The following TOMM40L variants were observed in gnomAD, a reference collection of about 807,000 sequenced individuals.
The protein encoded by TOMM40L is translocase of outer mitochondrial membrane 40 like.
Under a neutral mutation model 38.3 loss-of-function variants are expected in TOMM40L, and 17 were observed. The observed-to-expected ratio is 0.44, with a 90% CI of 0.30 to 0.67. TOMM40L has a LOEUF of 0.67. TOMM40L is among the 30% of genes least tolerant of loss of function. The pLI is 0.08. For missense variants in TOMM40L, 294 were observed against 390.0 expected (o/e 0.75, Z 2.07); for synonymous variants, 151 against 150.2 (o/e 1.01, Z -0.04).
rs373697518 is a variant in TOMM40L, at chr1:161,229,054, C to T, written c.886C>T (p.Arg296Cys). The change falls in exon 10 of 10, where the codon CGC (arginine) becomes TGC (cysteine). Residue 296 changes from arginine to cysteine, a missense_variant. Arg to Cys is a radical substitution (Grantham distance 180, BLOSUM62 -3). Transcript: ENST00000367988. ...LALGAFLNHWRNRFHCGFSIT... is the reference protein window; with the variant it reads ...LALGAFLNHWCNRFHCGFSIT... ...CCTTGGAGCCTTCCTCAATCACTGGCGCAACAGATTCCATTGTGGCTTCAG... is the reference window on the plus strand; with the variant it reads ...CCTTGGAGCCTTCCTCAATCACTGGTGCAACAGATTCCATTGTGGCTTCAG... 17 of 1,614,002 alleles carry T rather than the reference C, an allele frequency of 1.1e-5. No individual in the cohort carries two copies. The highest frequency in any genetic ancestry group is 1.6e-4 in the Middle Eastern group (1 of 6,084).
In TOMM40L at chr1:161,228,324, AAGT is replaced by A. The variant is rs775915514; in HGVS notation, c.607+20_607+22del. The A allele has an allele frequency of 1.9e-4, 310 of 1,607,846 alleles. 1 individual carries two copies. The Middle Eastern group carries it at 2.3e-3, about 12-fold the overall frequency. On this transcript the variant is annotated intron_variant, in intron 7 of 9. Coordinates refer to ENST00000367988, the MANE Select transcript of TOMM40L (RefSeq NM_032174.6). The stretch of plus-strand genomic sequence containing the variant: ...AAGTACTCGGGTATGGGGCGAAGTG[AAGT>A]AGTGGTGGTGGTGGGGGGCAATTCT...
chr1:161,229,227 G>A lies in TOMM40L; in HGVS notation c.*132G>A. ...GACCCAGGAGCAGAGTGGTGGACAGGACCATGCCCTCCTCAGAACTGGAGC... is the reference window on the plus strand; with the variant it reads ...GACCCAGGAGCAGAGTGGTGGACAGAACCATGCCCTCCTCAGAACTGGAGC... On this transcript the variant is annotated 3_prime_UTR_variant, in exon 10 of 10. Transcript: ENST00000367988. The A allele has an allele frequency of 7.6e-7, 1 of 1,320,582 alleles. No homozygotes were observed. Among genetic ancestry groups the A allele is most frequent in the Non-Finnish European group, 1.0e-6 (1 of 960,748 alleles). The allele number at this position is 1,320,582 out of a possible 1,614,324, so 81.8% of individuals were successfully genotyped here. A position where few individuals can be genotyped will look rare whatever the true frequency, so the allele number is the denominator to read the frequency against.
chr1:161,226,248 G>A (rs185067029), intron 1 of TOMM40L, 107 bp from the exon 2 acceptor site: 245 of 492,512 alleles, frequency 5.0e-4, no homozygotes, highest in Non-Finnish European at 7.9e-4. Context: ...GAGAAAGGGA[G>A]AGAGGACAAG....
chr1:161,229,535 C>A lies in TOMM40L; in HGVS notation c.*440C>A, dbSNP rs1666631403. On this transcript the variant is annotated 3_prime_UTR_variant, in exon 10 of 10. Transcript: ENST00000367988. ...ATGTTTGGTCTCAGGAAGTGGGGCC[C>A]ACCCATTCCCAGAAGGAGCTTCTTT... 1 of 1,153,574 alleles carries A rather than the reference C, an allele frequency of 8.7e-7. No homozygotes were observed. Among genetic ancestry groups the A allele is most frequent in the Non-Finnish European group, 1.2e-6 (1 of 813,822 alleles). The allele number at this position is 1,153,574 out of a possible 1,614,324, so 71.5% of individuals were successfully genotyped here.
Position 161,228,498 on chromosome 1 carries a change from T to A in TOMM40L, c.678T>A (p.Asn226Lys), listed in dbSNP as rs1303893472. ...GAHASYYHRANEQVQVGVEFE... is the reference protein window; with the variant it reads ...GAHASYYHRAKEQVQVGVEFE... ...ATGCAAGTTACTACCACAGGGCAAA[T>A]GAACAGGTGAGACCTCTGATCTCAT... The change falls in exon 8 of 10, where the codon AAT becomes AAA. Residue 226 changes from asparagine (N) to lysine (K), a missense_variant. Coordinates refer to ENST00000367988, the MANE Select transcript of TOMM40L (RefSeq NM_032174.6). 3.1e-6 allele frequency: 5 copies of A among 1,614,098 alleles called. No homozygotes were observed. Among genetic ancestry groups the A allele is most frequent in the Non-Finnish European group, 3.4e-6 (4 of 1,179,992 alleles).
rs1387937409 is a variant in TOMM40L at position 161,228,000 on chromosome 1, G to A, written c.484+11G>A. The A allele has an allele frequency of 6.2e-6, 10 of 1,613,338 alleles. No individual in the cohort carries two copies. The highest frequency in any genetic ancestry group is 8.5e-6 in the Non-Finnish European group (10 of 1,179,364). On this transcript the variant is annotated intron_variant, in intron 6 of 9. Coordinates refer to ENST00000367988, the MANE Select transcript of TOMM40L (RefSeq NM_032174.6). ...TGATTGGGGAGTCGGGTGAGGAACT[G>A]GGACAGGGTTCTTTTTATCTTGGCG...
In TOMM40L at chr1:161,226,931, C is replaced by T; in HGVS notation, c.159C>T (p.Asn53=). The change falls in exon 3 of 10, where the codon AAC becomes AAT. Residue 53 remains asparagine (N), a synonymous_variant. Transcript: ENST00000367988. ...AQMEGVKLVV[N]KVLSSHFQVA... Reference sequence around the variant, plus strand: ...TGGAGGGAGTGAAGCTCGTTGTCAACAAGGTTCTGAGCAGCCATTTCCAGG... The same window carrying T: ...TGGAGGGAGTGAAGCTCGTTGTCAATAAGGTTCTGAGCAGCCATTTCCAGG... The T allele has an allele frequency of 6.2e-7, 1 of 1,614,172 alleles. No homozygotes were observed. Among genetic ancestry groups the T allele is most frequent in the Non-Finnish European group, 8.5e-7 (1 of 1,180,034 alleles).
rs772568803 is a variant in TOMM40L at position 161,226,152 on chromosome 1, C to T, written c.-136+16C>T. 1 of 248,036 alleles carries T rather than the reference C, an allele frequency of 4.0e-6. No individual in the cohort carries two copies. Among genetic ancestry groups the T allele is most frequent in the Non-Finnish European group, 7.9e-6 (1 of 126,500 alleles). 15.4% of individuals were successfully genotyped at this position (248,036 alleles called of 1,614,324 possible). ...GTCTGAGATGGTAAGGGATACTGCACCATTGCGGGCCTGGTCTTGGGGCCT... is the reference window on the plus strand; with the variant it reads ...GTCTGAGATGGTAAGGGATACTGCATCATTGCGGGCCTGGTCTTGGGGCCT... On this transcript the variant is annotated intron_variant, in intron 1 of 9. Transcript: ENST00000367988.
chr1:161,227,977 A>T lies in TOMM40L; in HGVS notation c.472A>T (p.Ile158Phe). Reference protein sequence around the residue: ...ATLTLGNPDLIGESVIMVAHF... With the variant: ...ATLTLGNPDLFGESVIMVAHF... ...TCTGACCCTAGGAAATCCTGACCTG[A>T]TTGGGGAGTCGGGTGAGGAACTGGG... Residue 158 changes from isoleucine (I) to phenylalanine (F), a missense_variant, in exon 6 of 10, where the codon ATT (isoleucine) becomes TTT (phenylalanine). By Grantham distance (21) the Ile-to-Phe change is conservative (BLOSUM62 0). Transcript: ENST00000367988. 6.2e-7 allele frequency: 1 copy of T among 1,614,006 alleles called. No homozygotes were observed. The highest frequency in any genetic ancestry group is 2.2e-5 in the East Asian group (1 of 44,886).
At chr1:161,226,829 C>A in intron 2 of TOMM40L, 59 bp from the exon 3 acceptor site, 4 of 1,583,670 alleles carry the variant, frequency 2.5e-6, no homozygotes, top group South Asian at 2.2e-5. Flanking sequence ...GGGAGACTAT[C>A]TTTTGGGGTA....
chr1:161,230,100 G>A lies in TOMM40L; in HGVS notation c.*1005G>A. 1.4e-6 allele frequency: 1 copy of A among 720,462 alleles called. No individual in the cohort carries two copies. The highest frequency in any genetic ancestry group is 2.2e-6 in the Non-Finnish European group (1 of 447,852). 44.6% of individuals were successfully genotyped at this position (720,462 alleles called of 1,614,324 possible). A position where few individuals can be genotyped will look rare whatever the true frequency, so the allele number is the denominator to read the frequency against. On this transcript the variant is annotated 3_prime_UTR_variant, in exon 10 of 10. Coordinates refer to ENST00000367988, the MANE Select transcript of TOMM40L (RefSeq NM_032174.6). ...TCAGAGGTTCCAAAGGTCCTCCAGG[G>A]GGCCTCGGTCTGACACTGTCTTCTC... is the stretch of plus-strand genomic sequence containing the variant.
At position 161,226,153 on chromosome 1, in the gene TOMM40L, C is replaced by T; in HGVS notation, c.-136+17C>T. 1 of 249,984 alleles carries T rather than the reference C, an allele frequency of 4.0e-6. No homozygotes were observed. Among genetic ancestry groups the T allele is most frequent in the Non-Finnish European group, 7.8e-6 (1 of 127,642 alleles). 15.5% of individuals were successfully genotyped at this position (249,984 alleles called of 1,614,324 possible). On this transcript the variant is annotated intron_variant, in intron 1 of 9. Coordinates refer to ENST00000367988, the MANE Select transcript of TOMM40L (RefSeq NM_032174.6). ...TCTGAGATGGTAAGGGATACTGCACCATTGCGGGCCTGGTCTTGGGGCCTG... is the reference window on the plus strand; with the variant it reads ...TCTGAGATGGTAAGGGATACTGCACTATTGCGGGCCTGGTCTTGGGGCCTG...
In TOMM40L at chr1:161,226,932, A is replaced by C; in HGVS notation, c.160A>C (p.Lys54Gln). 6.2e-7 allele frequency: 1 copy of C among 1,614,096 alleles called. No individual in the cohort carries two copies. The highest frequency in any genetic ancestry group is 2.2e-5 in the East Asian group (1 of 44,882). Residue 54 changes from lysine (K) to glutamine (Q), a missense_variant, in exon 3 of 10, where the codon AAG (lysine) becomes CAG (glutamine). Physicochemically the swap from Lys to Gln is moderately conservative, Grantham distance 53 (BLOSUM62 1). Coordinates refer to ENST00000367988, the MANE Select transcript of TOMM40L (RefSeq NM_032174.6). ...GGAGGGAGTGAAGCTCGTTGTCAAC[A>C]AGGTTCTGAGCAGCCATTTCCAGGT... ...QMEGVKLVVN[K>Q]VLSSHFQVAH...
rs774784824 is a variant in TOMM40L at position 161,229,097 on chromosome 1, G to A, written c.*2G>A. On this transcript the variant is annotated 3_prime_UTR_variant, in exon 10 of 10. Transcript: ENST00000367988. ...GGCTTCAGCATCACTGTGGGCTGAG[G>A]TTGTCCAGAGCCAGCCCCCACAGCA... 20 of 1,614,054 alleles carry A rather than the reference G, an allele frequency of 1.2e-5. No homozygotes were observed. The highest frequency in any genetic ancestry group is 1.7e-5 in the Non-Finnish European group (20 of 1,180,018).
Position 161,230,636 on chromosome 1 carries a change from A to C in TOMM40L, c.*1541A>C, listed in dbSNP as rs1012976515. On this transcript the variant is annotated 3_prime_UTR_variant, in exon 10 of 10. Transcript: ENST00000367988. ...AGATGAAACAGCAGTATCCAAATAC[A>C]GCAATTTGGATGCTGAAACGATGTG... 1 of 785,464 alleles carries C rather than the reference A, an allele frequency of 1.3e-6. No individual in the cohort carries two copies. The highest frequency in any genetic ancestry group is 2.0e-6 in the Non-Finnish European group (1 of 501,010). The allele number at this position is 785,464 out of a possible 1,614,324, so 48.7% of individuals were successfully genotyped here.
chr1:161,230,698 G>T lies in TOMM40L; in HGVS notation c.*1603G>T. The T allele has an allele frequency of 7.0e-7, 1 of 1,436,952 alleles. No individual in the cohort carries two copies. The highest frequency in any genetic ancestry group is 9.6e-7 in the Non-Finnish European group (1 of 1,044,774). 89.0% of individuals were successfully genotyped at this position (1,436,952 alleles called of 1,614,324 possible). A position where few individuals can be genotyped will look rare whatever the true frequency, so the allele number is the denominator to read the frequency against. ...GCCAGGGGGAAGGACTAGACCCCAC[G>T]ATACCTGAATTCCCTAAGGAAAGGA... is the stretch of plus-strand genomic sequence containing the variant. On this transcript the variant is annotated 3_prime_UTR_variant, in exon 10 of 10. Coordinates refer to ENST00000367988, the MANE Select transcript of TOMM40L (RefSeq NM_032174.6).
chr1:161,227,055 G>A, intron 3 of TOMM40L, 100 bp downstream of exon 3: 1 of 1,437,556 alleles, frequency 7.0e-7, no homozygotes, highest in Non-Finnish European at 9.7e-7. Context: ...AGTCTATGTG[G>A]GACAAATGAG....
intron 3 of TOMM40L, 56 bp downstream of exon 3, chr1:161,227,011 A>G (rs539494873): frequency 8.1e-6 from 13 of 1,600,598 alleles, no homozygotes; most frequent in East Asian, 4.5e-5. Context: ...TCCCTGGATC[A>G]TCTTCTCCTT....
At position 161,227,253 on chromosome 1, in the gene TOMM40L, C is replaced by G; in HGVS notation, c.184-5C>G. 6.2e-7 allele frequency: 1 copy of G among 1,614,008 alleles called. No homozygotes were observed. The highest frequency in any genetic ancestry group is 2.2e-5 in the East Asian group (1 of 44,884). On this transcript the variant is annotated splice_polypyrimidine_tract_variant and splice_region_variant and intron_variant, in intron 3 of 9. Transcript: ENST00000367988. ...CTTTTCTCCACTGAATCCTCTTTTC[C>G]TCAGGTGGCGCACACTATACACATG...
Sources: allele counts gnomAD v4.1 joint callset, GRCh38; gene constraint gnomAD v4.1.1; transcripts MANE v1.5; gene names NCBI Gene and HGNC (gene_info 2026-07-23, HGNC 2026-07-21).